The following NLN variants were observed in gnomAD, a reference collection of about 807,000 sequenced individuals.
NLN encodes the protein neurolysin, mitochondrial.
Under a neutral mutation model 79.9 loss-of-function variants are expected in NLN, and 64 were observed. The ratio of observed to expected loss-of-function variants is 0.80; its 90% CI spans 0.65 to 0.99. The LOEUF is 0.99. NLN is among the 50% of genes least tolerant of loss of function. NLN has a pLI of 0.00. For synonymous variants in NLN, 267 were observed against 296.6 expected, an observed-to-expected ratio of 0.90 and a Z score of 1.02; for missense variants, 835 against 858.7, an observed-to-expected ratio of 0.97 and a Z score of 0.34.
At chr5:65,762,668 A>G (rs1278397107) in intron 2 of NLN, among the ~76,000 whole-genome samples, 1 of 150,392 alleles carries the variant, frequency 6.6e-6, no homozygotes, top group East Asian at 2.0e-4. Flanking sequence ...GCACCACTGC[A>G]CTCCAGCCTG....
chr5:65,736,113 T>C (rs1758722801), intron 1 of NLN, among the ~76,000 whole-genome samples: 1 of 152,190 alleles, frequency 6.6e-6, no homozygotes, highest in African/African-American at 2.4e-5. Flanking sequence ...TTCAACCATG[T>C]CCCTTTCCTC....
chr5:65,755,112 TA>T (rs1298141563), intron 1 of NLN, among the ~76,000 whole-genome samples: 1 of 152,208 alleles, frequency 6.6e-6, no homozygotes, highest in Non-Finnish European at 1.5e-5. Flanking sequence ...TTTTTCTGTC[TA>T]AAACATTGCT....
At chr5:65,742,436 CTG>C (rs1435946308) in intron 1 of NLN, among the ~76,000 whole-genome samples, 3 of 152,042 alleles carry the variant, frequency 2.0e-5, no homozygotes, top group African/African-American at 7.2e-5. Context: ...AAAAAAGAGA[CTG>C]TACAATGAAG....
intron 7 of NLN, 71 bp downstream of exon 7, chr5:65,785,981 T>C (rs1377858485): frequency 7.3e-7 from 1 of 1,377,068 alleles, no homozygotes; most frequent in East Asian, 2.3e-5. Context: ...CCTCAGAACA[T>C]AATATGCCTT....
intron 1 of NLN, among the ~76,000 whole-genome samples, chr5:65,752,881 A>G (rs1428432150): frequency 1.3e-5 from 2 of 152,230 alleles, no homozygotes; most frequent in Non-Finnish European, 2.9e-5. Context: ...GGTGAGAAAA[A>G]AAGTATTAAG....
chr5:65,752,193 C>T (rs796503409), intron 1 of NLN, among the ~76,000 whole-genome samples: 6 of 151,584 alleles, frequency 4.0e-5, no homozygotes, highest in Admixed American at 2.0e-4. Context: ...GCCATGATCA[C>T]GCCACCTGGA....
At chr5:65,769,463 T>C (rs1230076197) in intron 3 of NLN, among the ~76,000 whole-genome samples, 1 of 152,230 alleles carries the variant, frequency 6.6e-6, no homozygotes, top group African/African-American at 2.4e-5. Flanking sequence ...TTCTCTGTAA[T>C]GTGATTATTA....
intron 11 of NLN, among the ~76,000 whole-genome samples, chr5:65,810,623 G>A (rs901259878): frequency 2.6e-5 from 4 of 151,994 alleles, no homozygotes; most frequent in African/African-American, 9.7e-5. Context: ...CACTCTTTTA[G>A]TTATTTTTAA....
chr5:65,756,661 T>TGTC (rs1185706745), intron 1 of NLN, among the ~76,000 whole-genome samples: 2 of 152,158 alleles, frequency 1.3e-5, no homozygotes, highest in Non-Finnish European at 2.9e-5. Flanking sequence ...TTTTTGTTGT[T>TGTC]GTCGTTGTTG....
At chr5:65,726,111 CAAAAAAA>C (rs60073030) in intron 1 of NLN, among the ~76,000 whole-genome samples, 1 of 120,980 alleles carries the variant, frequency 8.3e-6, no homozygotes, top group Non-Finnish European at 1.8e-5. Context: ...GACTCCGTCT[CAAAAAAA>C]AAAAAAAAAA....
intron 3 of NLN, among the ~76,000 whole-genome samples, chr5:65,765,751 G>T (rs1759438030): frequency 6.6e-6 from 1 of 151,112 alleles, no homozygotes; most frequent in African/African-American, 2.4e-5. Context: ...GCCTCATTAA[G>T]CTGGATAAAT....
At chr5:65,750,245 G>T (rs1415948158) in intron 1 of NLN, among the ~76,000 whole-genome samples, 1 of 152,210 alleles carries the variant, frequency 6.6e-6, no homozygotes, top group African/African-American at 2.4e-5. Flanking sequence ...CTTACTACAA[G>T]TGGCTATTGA....
intron 3 of NLN, among the ~76,000 whole-genome samples, chr5:65,770,429 T>G (rs1759542588): frequency 6.6e-6 from 1 of 152,188 alleles, no homozygotes; most frequent in South Asian, 2.1e-4. Context: ...ATGTTCAATT[T>G]TATTAGTAAT....
rs1435883968 is a variant in NLN at position 65,809,596 on chromosome 5, T to G, written c.1609T>G (p.Trp537Gly). 1.4e-5 allele frequency: 22 copies of G among 1,613,860 alleles called. No homozygotes were observed. Among genetic ancestry groups the G allele is most frequent in the Non-Finnish European group, 1.8e-5 (21 of 1,179,958 alleles). The change falls in exon 10 of 13, where the codon TGG (tryptophan) becomes GGG (glycine). Residue 537 changes from tryptophan to glycine, a missense_variant. By Grantham distance (184) the Trp-to-Gly change is radical. Coordinates refer to ENST00000380985, the MANE Select transcript of NLN (RefSeq NM_020726.5). ...VPSQMLENWV[W>G]DVDSLRRLSK... ...ATCGCAAATGCTTGAAAATTGGGTG[T>G]GGGACGTCGATTCCCTCCGAAGATT...
chr5:65,775,466 T>C (rs1168622589), intron 3 of NLN, among the ~76,000 whole-genome samples: 1 of 152,160 alleles, frequency 6.6e-6, no homozygotes, highest in Non-Finnish European at 1.5e-5. Context: ...CTTAACAACT[T>C]ACCCAGCTCT....
At chr5:65,753,907 A>G (rs145386879) in intron 1 of NLN, among the ~76,000 whole-genome samples, 80 of 152,268 alleles carry the variant, frequency 5.3e-4, no homozygotes, top group African/African-American at 1.9e-3. Flanking sequence ...TGTTGGCAGA[A>G]ATAATTATTT....
At chr5:65,734,251 T>C (rs1254776147) in intron 1 of NLN, among the ~76,000 whole-genome samples, 1 of 139,532 alleles carries the variant, frequency 7.2e-6, no homozygotes, top group East Asian at 2.0e-4. Context: ...CTGACTACCT[T>C]GGCCTTCCAC....
chr5:65,809,992 G>A, intron 10 of NLN, 45 bp from the exon 11 acceptor site: 1 of 1,605,030 alleles, frequency 6.2e-7, no homozygotes, highest in East Asian at 2.2e-5. Flanking sequence ...AAAACACACA[G>A]TTCTGTCTTC....
chr5:65,758,392 A>T (rs1387188371), intron 1 of NLN, among the ~76,000 whole-genome samples, 175 bp from the exon 2 acceptor site: 1 of 152,218 alleles, frequency 6.6e-6, no homozygotes, highest in African/African-American at 2.4e-5. Context: ...ATGCAAGAAA[A>T]ATAGGAAATA....
Sources: allele counts gnomAD v4.1 joint callset (sites outside exome capture counted in the v4.1 genomes callset), GRCh38; gene constraint gnomAD v4.1.1; transcripts MANE v1.5; gene names NCBI Gene and HGNC (gene_info 2026-07-23, HGNC 2026-07-21).